Variants in SCHIP1 observed in about 807,000 individuals in gnomAD.
The protein encoded by SCHIP1 is schwannomin-interacting protein 1.
A neutral mutation model predicts 29.7 loss-of-function variants in SCHIP1; 8 were observed. That is an observed-to-expected ratio of 0.27 (90% CI 0.16 to 0.49). The LOEUF (loss-of-function observed/expected upper bound fraction) is 0.49. Ranked by LOEUF, SCHIP1 falls within the 20% of genes least tolerant of loss-of-function variation. The pLI is 0.99. For synonymous variants in SCHIP1, 76 were observed against 94.9 expected (o/e 0.80, Z 1.16); for missense variants, 193 against 294.6 (o/e 0.66, Z 2.52).
chr3:159,721,725 A>T, the SCHIP1 span: 1 of 421,762 alleles, frequency 2.4e-6, no homozygotes, highest in Non-Finnish European at 4.7e-6. Flanking sequence ...ATATATTCAC[A>T]GCCATGTTGG....
chr3:159,568,402 T>C, the SCHIP1 span, among the ~76,000 whole-genome samples: 17 of 152,232 alleles, frequency 1.1e-4, no homozygotes, highest in African/African-American at 3.6e-4. Flanking sequence ...ATTATGTATG[T>C]ACTATAAAAG....
chr3:159,712,580 T>C, the SCHIP1 span, among the ~76,000 whole-genome samples: 1 of 150,984 alleles, frequency 6.6e-6, no homozygotes, highest in African/African-American at 2.4e-5. Context: ...TAGCAGGTCA[T>C]GGTGGCACAT....
At chr3:159,504,634 C>T in the SCHIP1 span, among the ~76,000 whole-genome samples, 1 of 152,074 alleles carries the variant, frequency 6.6e-6, no homozygotes, top group Non-Finnish European at 1.5e-5. Context: ...ACTCTAAGCT[C>T]CTTTCCTGAG....
chr3:159,309,259 A>G, the SCHIP1 span: 1 of 192,102 alleles, frequency 5.2e-6, no homozygotes, highest in Non-Finnish European at 9.6e-6. Flanking sequence ...TAATGGAAAA[A>G]GGAAATCGTA....
the SCHIP1 span, among the ~76,000 whole-genome samples, chr3:159,507,619 T>C: frequency 6.6e-6 from 1 of 152,212 alleles, no homozygotes; most frequent in East Asian, 1.9e-4. Flanking sequence ...TAAGTAGCTC[T>C]TATTATTTTG....
exon 1 of SCHIP1, chr3:159,840,126 C>A: frequency 6.5e-7 from 1 of 1,532,372 alleles, no homozygotes; most frequent in Non-Finnish European, 8.7e-7. Context: ...TCCGCGCCTG[C>A]CCTCCGCAGC....
At chr3:159,341,658 C>T in the SCHIP1 span, among the ~76,000 whole-genome samples, 2 of 152,136 alleles carry the variant, frequency 1.3e-5, no homozygotes, top group African/African-American at 4.8e-5. Context: ...TCTCGAGCTT[C>T]GTTTACCTAG....
chr3:159,583,232 A>G, the SCHIP1 span, among the ~76,000 whole-genome samples: 1 of 152,156 alleles, frequency 6.6e-6, no homozygotes, highest in Non-Finnish European at 1.5e-5. Flanking sequence ...GACTTTTCTA[A>G]GGCAACACAA....
the SCHIP1 span, among the ~76,000 whole-genome samples, chr3:159,318,046 G>A: frequency 1.3e-5 from 2 of 152,250 alleles, no homozygotes; most frequent in African/African-American, 2.4e-5. Context: ...CATCCTTGGC[G>A]AGTAGAAGTC....
At chr3:159,362,593 A>G in the SCHIP1 span, among the ~76,000 whole-genome samples, 1 of 152,174 alleles carries the variant, frequency 6.6e-6, no homozygotes, top group African/African-American at 2.4e-5. Context: ...GTGCTCCTGT[A>G]TACACCATTC....
chr3:159,610,148 A>G, the SCHIP1 span, among the ~76,000 whole-genome samples: 1 of 152,208 alleles, frequency 6.6e-6, no homozygotes, highest in Non-Finnish European at 1.5e-5. Context: ...GTTGAGTGGC[A>G]AAGTTGGAAT....
the SCHIP1 span, among the ~76,000 whole-genome samples, chr3:159,303,686 C>G: frequency 3.9e-5 from 6 of 151,952 alleles, no homozygotes; most frequent in African/African-American, 1.5e-4. Context: ...TTAGGAAATC[C>G]ACAGGTGTCC....
At chr3:159,482,850 C>T in the SCHIP1 span, among the ~76,000 whole-genome samples, 5 of 151,984 alleles carry the variant, frequency 3.3e-5, no homozygotes, top group Non-Finnish European at 7.4e-5. Context: ...CTGGCAATGC[C>T]CAACAGTGAG....
the SCHIP1 span, among the ~76,000 whole-genome samples, chr3:159,319,788 A>G: frequency 6.6e-6 from 1 of 152,146 alleles, no homozygotes; most frequent in Non-Finnish European, 1.5e-5. Flanking sequence ...TGATAAAAGC[A>G]TTTCCTCCTT....
chr3:159,442,484 G>A, the SCHIP1 span, among the ~76,000 whole-genome samples: 1 of 152,186 alleles, frequency 6.6e-6, no homozygotes, highest in Non-Finnish European at 1.5e-5. Context: ...TAGGGAATAA[G>A]GCTGGGAAAG....
the SCHIP1 span, among the ~76,000 whole-genome samples, chr3:159,494,042 C>T: frequency 6.6e-6 from 1 of 152,326 alleles, no homozygotes; most frequent in South Asian, 2.1e-4. Context: ...TAAAGATGTT[C>T]TTTGAAACCA....
the SCHIP1 span, among the ~76,000 whole-genome samples, chr3:159,790,994 G>A: frequency 7.9e-5 from 12 of 152,172 alleles, no homozygotes; most frequent in Middle Eastern, 3.4e-3. Context: ...CCCTAAAACC[G>A]CTTCTGAGAA....
At chr3:159,433,008 G>C in the SCHIP1 span, among the ~76,000 whole-genome samples, 1 of 152,142 alleles carries the variant, frequency 6.6e-6, no homozygotes, top group Non-Finnish European at 1.5e-5. Context: ...CAGATTTGAG[G>C]TGAAGCTTCT....
At chr3:159,487,414 T>C in the SCHIP1 span, among the ~76,000 whole-genome samples, 1 of 152,002 alleles carries the variant, frequency 6.6e-6, no homozygotes, top group Non-Finnish European at 1.5e-5. Flanking sequence ...CCCACATTGG[T>C]CTGGACCCTC....
Sources: gnomAD v4.1 joint callset for allele counts (sites outside exome capture counted in the v4.1 genomes callset) on GRCh38, gnomAD v4.1.1 for gene constraint, MANE v1.5 for transcripts, NCBI Gene and HGNC (gene_info 2026-07-23, HGNC 2026-07-21) for gene names.